The following FOXRED1 variants were observed in gnomAD, a reference collection of about 807,000 sequenced individuals.
FOXRED1 encodes FAD dependent oxidoreductase domain containing 1.
A neutral mutation model predicts 57.8 loss-of-function variants in FOXRED1; 52 were observed. The observed-to-expected ratio is 0.90, with a 90% CI of 0.72 to 1.13. FOXRED1 has a LOEUF of 1.13. Among genes scored for constraint, FOXRED1 ranks in the 50% most tolerant of loss-of-function variants. FOXRED1 has a pLI of 0.00. For synonymous variants in FOXRED1, 271 were observed against 248.3 expected, an observed-to-expected ratio of 1.09 and a Z score of -0.86; for missense variants, 589 against 625.2, an observed-to-expected ratio of 0.94 and a Z score of 0.62.
At position 126,271,950 on chromosome 11, in the gene FOXRED1, T is replaced by G; in HGVS notation, c.306+293T>G. The G allele has an allele frequency of 2.7e-6, 1 of 374,688 alleles. No individual in the cohort carries two copies. Among genetic ancestry groups the G allele is most frequent in the Non-Finnish European group, 5.1e-6 (1 of 197,640 alleles). The allele number at this position is 374,688 out of a possible 1,614,324, so 23.2% of individuals were successfully genotyped here. A position where few individuals can be genotyped will look rare whatever the true frequency, so the allele number is the denominator to read the frequency against. ...CCTGCATTCAAGCTATAATTAAGTG[T>G]CTCAATTTTCTCTTTTTTTTTTTTT... On this transcript the variant is annotated intron_variant, in intron 2 of 10. Coordinates refer to ENST00000263578, the MANE Select transcript of FOXRED1 (RefSeq NM_017547.4). This position sits in a 1 kb window ranked among gnomAD's most constrained non-coding sequence, Gnocchi z 5.3.
rs1203579725 is a variant in FOXRED1, at chr11:126,273,281, ACT to A, written c.418-52_418-51del. 2.9e-6 allele frequency: 4 copies of A among 1,375,300 alleles called. No homozygotes were observed. Among genetic ancestry groups the A allele is most frequent in the African/African-American group, 1.4e-5 (1 of 69,796 alleles). The allele number at this position is 1,375,300 out of a possible 1,614,324, so 85.2% of individuals were successfully genotyped here. A position where few individuals can be genotyped will look rare whatever the true frequency, so the allele number is the denominator to read the frequency against. ...AGCTGTGGGGGAAGAAGGCAGGAAA[ACT>A]CTTTCTGGCATCCTTAAGTCAGTTT... On this transcript the variant is annotated intron_variant, in intron 3 of 10. Transcript: ENST00000263578. This position sits in a 1 kb window ranked among gnomAD's most constrained non-coding sequence, Gnocchi z 5.9.
rs1212504029 is a variant in FOXRED1, at chr11:126,277,518, C to T, written c.1290C>T (p.Asn430=). 2 of 1,613,762 alleles carry T rather than the reference C, an allele frequency of 1.2e-6. No individual in the cohort carries two copies. Among genetic ancestry groups the T allele is most frequent in the South Asian group, 1.1e-5 (1 of 91,092 alleles). ...GVVGPHPLVV[N]MYFATGFSGH... Reference sequence around the variant, plus strand: ...TGGGCCCCCACCCGCTAGTTGTCAACATGTACTTTGCTACTGGCTTCAGTG... The same window carrying T: ...TGGGCCCCCACCCGCTAGTTGTCAATATGTACTTTGCTACTGGCTTCAGTG... Residue 430 remains asparagine (N), a synonymous_variant, in exon 11 of 11, where the codon AAC becomes AAT. Transcript: ENST00000263578. This position sits in a 1 kb window ranked among gnomAD's most constrained non-coding sequence, Gnocchi z 6.8.
In FOXRED1 at chr11:126,271,939, A is replaced by G. The variant is rs996923045; in HGVS notation, c.306+282A>G. Reference sequence around the variant, plus strand: ...GGTCATGAGAGCCTGCATTCAAGCTATAATTAAGTGTCTCAATTTTCTCTT... The same window carrying G: ...GGTCATGAGAGCCTGCATTCAAGCTGTAATTAAGTGTCTCAATTTTCTCTT... On this transcript the variant is annotated intron_variant, in intron 2 of 10. Coordinates refer to ENST00000263578, the MANE Select transcript of FOXRED1 (RefSeq NM_017547.4). The surrounding 1 kb of genome is among the most constrained non-coding windows in gnomAD (Gnocchi z 5.3). 2 of 415,212 alleles carry G rather than the reference A, an allele frequency of 4.8e-6. No homozygotes were observed. The highest frequency in any genetic ancestry group is 5.1e-5 in the East Asian group (1 of 19,770). The allele number at this position is 415,212 out of a possible 1,614,324, so 25.7% of individuals were successfully genotyped here.
Position 126,277,808 on chromosome 11 carries a change from T to C in FOXRED1, c.*119T>C. 8.8e-7 allele frequency: 1 copy of C among 1,132,800 alleles called. No individual in the cohort carries two copies. Among genetic ancestry groups the C allele is most frequent in the Non-Finnish European group, 1.3e-6 (1 of 755,566 alleles). The allele number at this position is 1,132,800 out of a possible 1,614,324, so 70.2% of individuals were successfully genotyped here. On this transcript the variant is annotated 3_prime_UTR_variant, in exon 11 of 11. Coordinates refer to ENST00000263578, the MANE Select transcript of FOXRED1 (RefSeq NM_017547.4). This position sits in a 1 kb window ranked among gnomAD's most constrained non-coding sequence, Gnocchi z 6.8. Reference sequence around the variant, plus strand: ...CCTTCTCCCCCTCCCCAGTGTCCTCTCCTCTCAGGCAGGCCATTGCACCCA... The same window carrying C: ...CCTTCTCCCCCTCCCCAGTGTCCTCCCCTCTCAGGCAGGCCATTGCACCCA...
In FOXRED1 at chr11:126,274,740, G is replaced by A. The variant is rs977981418; in HGVS notation, c.537-187G>A. 1 of 649,196 alleles carries A rather than the reference G, an allele frequency of 1.5e-6. No individual in the cohort carries two copies. Among genetic ancestry groups the A allele is most frequent in the Non-Finnish European group, 2.8e-6 (1 of 353,316 alleles). 40.2% of individuals were successfully genotyped at this position (649,196 alleles called of 1,614,324 possible). On this transcript the variant is annotated intron_variant, in intron 4 of 10. Transcript: ENST00000263578. This position sits in a 1 kb window ranked among gnomAD's most constrained non-coding sequence, Gnocchi z 4.8. ...GGAGTAGGGAAGGAAAGGCAGTCAA[G>A]GCTGAAGAGCCTGACTAGGAGGCTT...
Position 126,277,047 on chromosome 11 carries a change from C to T in FOXRED1, c.1102-24C>T, listed in dbSNP as rs370312814. Reference sequence around the variant, plus strand: ...GTCCTTGTGTCCCAGGCAATGTAAGCGTTGTCCCCACCTCTCACTCCAGCA... The same window carrying T: ...GTCCTTGTGTCCCAGGCAATGTAAGTGTTGTCCCCACCTCTCACTCCAGCA... On this transcript the variant is annotated intron_variant, in intron 9 of 10. Coordinates refer to ENST00000263578, the MANE Select transcript of FOXRED1 (RefSeq NM_017547.4). The surrounding 1 kb of genome is among the most constrained non-coding windows in gnomAD (Gnocchi z 6.8). 1.1e-5 allele frequency: 15 copies of T among 1,421,562 alleles called. No homozygotes were observed. The African/African-American group carries it at 1.7e-4, about 16-fold the overall frequency. The allele number at this position is 1,421,562 out of a possible 1,614,324, so 88.1% of individuals were successfully genotyped here.
rs1951170942 is a variant in FOXRED1 at position 126,277,020 on chromosome 11, C to T, written c.1102-51C>T. ...CAGGGATTGTTAAACAAGTCTGGGC[C>T]TGTCCTTGTGTCCCAGGCAATGTAA... On this transcript the variant is annotated intron_variant, in intron 9 of 10. Coordinates refer to ENST00000263578, the MANE Select transcript of FOXRED1 (RefSeq NM_017547.4). This position sits in a 1 kb window ranked among gnomAD's most constrained non-coding sequence, Gnocchi z 6.8. 8.8e-7 allele frequency: 1 copy of T among 1,138,220 alleles called. No homozygotes were observed. The highest frequency in any genetic ancestry group is 1.3e-6 in the Non-Finnish European group (1 of 746,238). The allele number at this position is 1,138,220 out of a possible 1,614,324, so 70.5% of individuals were successfully genotyped here. A position where few individuals can be genotyped will look rare whatever the true frequency, so the allele number is the denominator to read the frequency against.
chr11:126,277,754 G>T lies in FOXRED1; in HGVS notation c.*65G>T. ...GGCTGTGTTCACAGCCTTGTTTGCT[G>T]CTTCCATCTTCCCCAGTACTGTGCC... On this transcript the variant is annotated 3_prime_UTR_variant, in exon 11 of 11. Coordinates refer to ENST00000263578, the MANE Select transcript of FOXRED1 (RefSeq NM_017547.4). The surrounding 1 kb of genome is among the most constrained non-coding windows in gnomAD (Gnocchi z 6.8). 1 of 1,555,790 alleles carries T rather than the reference G, an allele frequency of 6.4e-7. No individual in the cohort carries two copies. The highest frequency in any genetic ancestry group is 8.9e-7 in the Non-Finnish European group (1 of 1,129,042).
In FOXRED1 at chr11:126,277,809, C is replaced by A; in HGVS notation, c.*120C>A. On this transcript the variant is annotated 3_prime_UTR_variant, in exon 11 of 11. Coordinates refer to ENST00000263578, the MANE Select transcript of FOXRED1 (RefSeq NM_017547.4). This position sits in a 1 kb window ranked among gnomAD's most constrained non-coding sequence, Gnocchi z 6.8. ...CTTCTCCCCCTCCCCAGTGTCCTCT[C>A]CTCTCAGGCAGGCCATTGCACCCAT... 1.8e-6 allele frequency: 2 copies of A among 1,129,322 alleles called. No homozygotes were observed. Among genetic ancestry groups the A allele is most frequent in the Middle Eastern group, 2.2e-4 (1 of 4,544 alleles). The allele number at this position is 1,129,322 out of a possible 1,614,324, so 70.0% of individuals were successfully genotyped here.
rs1471317706 is a variant in FOXRED1 at position 126,275,350 on chromosome 11, G to A, written c.655G>A (p.Asp219Asn). The A allele has an allele frequency of 7.4e-6, 12 of 1,613,744 alleles. No individual in the cohort carries two copies. Among genetic ancestry groups the A allele is most frequent in the Non-Finnish European group, 1.0e-5 (12 of 1,179,654 alleles). The stretch of plus-strand genomic sequence containing the variant: ...AGGGATGGAGGACGAAGGTTGGTTT[G>A]ACCCCTGGTGTCTGCTCCAGGGGCT... ...SYGMEDEGWF[D>N]PWCLLQGLRR... The change falls in exon 6 of 11, where the codon GAC becomes AAC. Residue 219 changes from aspartate (D) to asparagine (N), a missense_variant. Transcript: ENST00000263578. This position sits in a 1 kb window ranked among gnomAD's most constrained non-coding sequence, Gnocchi z 5.9.
rs1951052310 is a variant in FOXRED1 at position 126,273,610 on chromosome 11, C to T, written c.536+156C>T. The T allele has an allele frequency of 1.5e-6, 1 of 688,860 alleles. No individual in the cohort carries two copies. The highest frequency in any genetic ancestry group is 1.7e-5 in the African/African-American group (1 of 57,164). The allele number at this position is 688,860 out of a possible 1,614,324, so 42.7% of individuals were successfully genotyped here. ...GAAGAAAATACACAGACCTGCAATG[C>T]CCTGGGAGTGCTGTACCACAGATAT... is the stretch of plus-strand genomic sequence containing the variant. On this transcript the variant is annotated intron_variant, in intron 4 of 10. Transcript: ENST00000263578. This position sits in a 1 kb window ranked among gnomAD's most constrained non-coding sequence, Gnocchi z 5.9.
Position 126,273,179 on chromosome 11 carries a change from G to A in FOXRED1, c.417+100G>A. ...CAAGGTAGCCAGAGAGCAAGAATGG[G>A]TCAGCCAACTAGGAGAGGGGGGCCC... On this transcript the variant is annotated intron_variant, in intron 3 of 10. Coordinates refer to ENST00000263578, the MANE Select transcript of FOXRED1 (RefSeq NM_017547.4). The surrounding 1 kb of genome is among the most constrained non-coding windows in gnomAD (Gnocchi z 5.9). 3.1e-6 allele frequency: 3 copies of A among 969,636 alleles called. No individual in the cohort carries two copies. The highest frequency in any genetic ancestry group is 5.1e-6 in the Non-Finnish European group (3 of 592,362). The allele number at this position is 969,636 out of a possible 1,614,324, so 60.1% of individuals were successfully genotyped here.
At position 126,273,872 on chromosome 11, in the gene FOXRED1, G is replaced by A. The variant is rs111417661; in HGVS notation, c.536+418G>A. On this transcript the variant is annotated intron_variant, in intron 4 of 10. Coordinates refer to ENST00000263578, the MANE Select transcript of FOXRED1 (RefSeq NM_017547.4). The surrounding 1 kb of genome is among the most constrained non-coding windows in gnomAD (Gnocchi z 5.9). ...ACCACTTTGCTATCACAGCATGAAA[G>A]CAGCCATAGACAAAAGTGCAAATGA... The A allele has an allele frequency of 3.2e-3, 745 of 236,350 alleles. 10 individuals are homozygous for A. The highest frequency in any genetic ancestry group is 0.016 in the African/African-American group (707 of 44,566). The allele number at this position is 236,350 out of a possible 1,614,324, so 14.6% of individuals were successfully genotyped here.
In FOXRED1 at chr11:126,277,156, C is replaced by T. The variant is rs1951177230; in HGVS notation, c.1187C>T (p.Pro396Leu). Residue 396 changes from proline (P) to leucine (L), a missense_variant, in exon 10 of 11, where the codon CCA (proline) becomes CTA (leucine). Coordinates refer to ENST00000263578, the MANE Select transcript of FOXRED1 (RefSeq NM_017547.4). The surrounding 1 kb of genome is among the most constrained non-coding windows in gnomAD (Gnocchi z 6.8). The stretch of plus-strand genomic sequence containing the variant: ...TGGCCCCATTTGGCCCTGAGGGTCC[C>T]AGCTTTTGAGACTCTGAAGGTAACT... ...KVWPHLALRV[P>L]AFETLKVQSA... 1.2e-6 allele frequency: 2 copies of T among 1,609,470 alleles called. No individual in the cohort carries two copies. Among genetic ancestry groups the T allele is most frequent in the East Asian group, 4.5e-5 (2 of 44,854 alleles).
intron 1 of FOXRED1, among the ~76,000 whole-genome samples, chr11:126,270,053 A>G (rs1390172856): frequency 2.6e-5 from 4 of 151,912 alleles, no homozygotes; most frequent in South Asian, 4.1e-4. Flanking sequence ...GCTAGCTAGT[A>G]TAACGGTAGA....
Position 126,271,364 on chromosome 11 carries a change from G to A in FOXRED1, c.86-73G>A, listed in dbSNP as rs1477475135. 1 of 1,101,834 alleles carries A rather than the reference G, an allele frequency of 9.1e-7. No homozygotes were observed. The highest frequency in any genetic ancestry group is 1.5e-5 in the African/African-American group (1 of 65,304). The allele number at this position is 1,101,834 out of a possible 1,614,324, so 68.3% of individuals were successfully genotyped here. ...GTGTCTGTTTAGCTCACCTTTTCCT[G>A]TGCCCATCCTCCAACCCCCCAACCA... On this transcript the variant is annotated intron_variant, in intron 1 of 10. Coordinates refer to ENST00000263578, the MANE Select transcript of FOXRED1 (RefSeq NM_017547.4). The surrounding 1 kb of genome is among the most constrained non-coding windows in gnomAD (Gnocchi z 5.3).
rs1304913763 is a variant in FOXRED1, at chr11:126,277,112, T to C, written c.1143T>C (p.Asp381=). ...PDPANLEVDH[D]FFQDKVWPHL... is the part of the protein sequence containing the mutation. ...CGGCGAACCTGGAAGTGGACCATGA[T>C]TTCTTCCAGGACAAGGTGTGGCCCC... Residue 381 remains aspartate, a synonymous_variant, in exon 10 of 11, where the codon GAT becomes GAC. Coordinates refer to ENST00000263578, the MANE Select transcript of FOXRED1 (RefSeq NM_017547.4). This position sits in a 1 kb window ranked among gnomAD's most constrained non-coding sequence, Gnocchi z 6.8. The C allele has an allele frequency of 1.2e-6, 2 of 1,613,598 alleles. No individual in the cohort carries two copies. Among genetic ancestry groups the C allele is most frequent in the Admixed American group, 3.3e-5 (2 of 60,014 alleles).
Position 126,271,649 on chromosome 11 carries a change from G to T in FOXRED1, c.298G>T (p.Asp100Tyr), listed in dbSNP as rs1164385782. 5 of 1,613,278 alleles carry T rather than the reference G, an allele frequency of 3.1e-6. No homozygotes were observed. Among genetic ancestry groups the T allele is most frequent in the South Asian group, 1.1e-5 (1 of 91,014 alleles). Reference sequence around the variant, plus strand: ...TATTCGAGTGCTAGTGGTGGAACGGGACCACACGGTGAGGTCTGGGGTAGG... The same window carrying T: ...TATTCGAGTGCTAGTGGTGGAACGGTACCACACGGTGAGGTCTGGGGTAGG... ...GAIRVLVVER[D>Y]HTYSQASTGL... The change falls in exon 2 of 11, where the codon GAC becomes TAC. Residue 100 changes from aspartate to tyrosine, a missense_variant. Asp to Tyr is a radical substitution (Grantham distance 160). Coordinates refer to ENST00000263578, the MANE Select transcript of FOXRED1 (RefSeq NM_017547.4). This position sits in a 1 kb window ranked among gnomAD's most constrained non-coding sequence, Gnocchi z 5.3.
At position 126,278,020 on chromosome 11, in the gene FOXRED1, G is replaced by T; in HGVS notation, c.*331G>T. On this transcript the variant is annotated 3_prime_UTR_variant, in exon 11 of 11. Transcript: ENST00000263578. The surrounding 1 kb of genome is among the most constrained non-coding windows in gnomAD (Gnocchi z 4.8). The stretch of plus-strand genomic sequence containing the variant: ...GGAAAGACTGCCTCTGACCCTCTTA[G>T]CAGACAGAGCCCAGGCATGGGAGCA... The T allele has an allele frequency of 1.8e-6, 1 of 547,706 alleles. No individual in the cohort carries two copies. The highest frequency in any genetic ancestry group is 4.5e-5 in the East Asian group (1 of 22,460). 33.9% of individuals were successfully genotyped at this position (547,706 alleles called of 1,614,324 possible).
Sources: allele counts gnomAD v4.1 joint callset (sites outside exome capture counted in the v4.1 genomes callset), GRCh38; gene constraint gnomAD v4.1.1; non-coding constraint Gnocchi (gnomAD v3.1); transcripts MANE v1.5; gene names NCBI Gene and HGNC (gene_info 2026-07-23, HGNC 2026-07-21).